Variants in CCDC197 observed in about 807,000 individuals in gnomAD.
CCDC197 encodes coiled-coil domain containing 197.
Under a neutral mutation model 13.4 loss-of-function variants are expected in CCDC197, and 24 were observed. The ratio of observed to expected loss-of-function variants is 1.80; its 90% CI spans 1.30 to 2.53. The LOEUF is 2.53. Among genes scored for constraint, CCDC197 ranks in the 30% most tolerant of loss-of-function variants. The probability of loss-of-function intolerance (pLI) is 0.00; values close to 1 mark genes in which losing one functional copy is unlikely to be tolerated. For synonymous variants in CCDC197, 99 were observed against 55.5 expected, an observed-to-expected ratio of 1.78 and a Z score of -3.48; for missense variants, 255 against 148.8, an observed-to-expected ratio of 1.71 and a Z score of -3.71.
upstream of CCDC197, among the ~76,000 whole-genome samples, chr14:93,992,561 A>G (rs1054558501): frequency 6.6e-6 from 1 of 152,200 alleles, no homozygotes; most frequent in Non-Finnish European, 1.5e-5. Context: ...TGGTCAGAGC[A>G]GCCCCTTCCC....
Position 93,998,198 on chromosome 14 carries a change from C to A in CCDC197, c.67C>A (p.Gln23Lys). ...TCCTGGTGACAAGGAAGGGGACCTT[C>A]AAGGGCTGTGGCAGGAACTCTACCA... Reference protein sequence around the residue: ...SNPGDKEGDLQGLWQELYQLQ... With the variant: ...SNPGDKEGDLKGLWQELYQLQ... Residue 23 changes from glutamine to lysine, a missense_variant, in exon 2 of 7, where the codon CAA (glutamine) becomes AAA (lysine). Transcript: ENST00000636493. 1.3e-6 allele frequency: 1 copy of A among 780,718 alleles called. No homozygotes were observed. The highest frequency in any genetic ancestry group is 2.4e-6 in the Non-Finnish European group (1 of 418,126). 48.4% of individuals were successfully genotyped at this position (780,718 alleles called of 1,614,324 possible).
At chr14:93,987,796 G>A (rs924103892) in intron 1 of CCDC197, among the ~76,000 whole-genome samples, 7 of 152,038 alleles carry the variant, frequency 4.6e-5, no homozygotes, top group African/African-American at 1.7e-4. Flanking sequence ...TGCCCAGAAA[G>A]TGGAACTATT....
At chr14:94,002,132 G>C (rs1019994743) in intron 4 of CCDC197, among the ~76,000 whole-genome samples, 1 of 152,166 alleles carries the variant, frequency 6.6e-6, no homozygotes, top group African/African-American at 2.4e-5. Flanking sequence ...CTAGGGAAAG[G>C]CAAGTCCAGC....
At position 94,004,900 on chromosome 14, in the gene CCDC197, C is replaced by T. The variant is rs1002411763; in HGVS notation, c.544C>T (p.Arg182Trp). The T allele has an allele frequency of 1.5e-4, 106 of 702,860 alleles. No homozygotes were observed. The highest frequency in any genetic ancestry group is 2.6e-4 in the Non-Finnish European group (100 of 384,988). 43.5% of individuals were successfully genotyped at this position (702,860 alleles called of 1,614,324 possible). ...GCAAATGACCATCACCAACATGGCCCGGCAGTGCTGCCCCTCTGCCCACGG... is the reference window on the plus strand; with the variant it reads ...GCAAATGACCATCACCAACATGGCCTGGCAGTGCTGCCCCTCTGCCCACGG... The part of the protein sequence containing the change: ...YMQMTITNMA[R>W]QCCPSAHGVP... Residue 182 changes from arginine to tryptophan, a missense_variant, in exon 6 of 7, where the codon CGG becomes TGG. Arg to Trp is a moderately radical substitution (Grantham distance 101). Coordinates refer to ENST00000636493, the MANE Select transcript of CCDC197 (RefSeq NM_001351596.2).
chr14:94,006,448 C>G (rs373938070), intron 6 of CCDC197, among the ~76,000 whole-genome samples: 1 of 151,846 alleles, frequency 6.6e-6, no homozygotes, highest in Admixed American at 6.6e-5. Context: ...CTCTGCCTCC[C>G]GGGTTCAAGC....
At chr14:94,008,983 G>T (rs1890763952), downstream of CCDC197, 2 of 554,688 alleles carry the variant, frequency 3.6e-6, no homozygotes, top group Non-Finnish European at 6.5e-6. Context: ...CATCCTGGGG[G>T]ATTGGCAGGG....
At chr14:93,988,834 G>A (rs1200103461) in intron 1 of CCDC197, among the ~76,000 whole-genome samples, 3 of 136,138 alleles carry the variant, frequency 2.2e-5, no homozygotes, top group South Asian at 2.6e-4. Context: ...ATGGGAGAGG[G>A]CATGGGAGGA....
intron 1 of CCDC197, 119 bp from the exon 2 acceptor site, chr14:93,997,880 A>G (rs1368671311): frequency 5.3e-5 from 27 of 512,272 alleles, no homozygotes; most frequent in Non-Finnish European, 3.1e-5. Flanking sequence ...AGAGCTGGGG[A>G]TGCAGCCCGA....
chr14:94,011,153 C>CG (rs1236529803), downstream of CCDC197, among the ~76,000 whole-genome samples: 5 of 152,160 alleles, frequency 3.3e-5, no homozygotes. Flanking sequence ...GGGGCTGGAC[C>CG]GGGCATTCCA....
chr14:93,987,858 CCAGAAGCAGTGT>C (rs1171888893), intron 1 of CCDC197, among the ~76,000 whole-genome samples: 1 of 150,904 alleles, frequency 6.6e-6, no homozygotes, highest in Non-Finnish European at 1.5e-5. Flanking sequence ...CTGCTAAGTG[CCAGAAGCAGTGT>C]CAGCTCCTGG....
At chr14:94,007,479 G>A (rs1252648195) in intron 6 of CCDC197, 5 of 152,052 alleles carry the variant, frequency 3.3e-5, no homozygotes, top group African/African-American at 4.8e-5. Context: ...TCCATTCATC[G>A]CTACGCCTGT....
intron 3 of CCDC197, 71 bp downstream of exon 3, chr14:93,999,736 G>T (rs776768924): frequency 1.3e-6 from 1 of 763,888 alleles, no homozygotes; most frequent in South Asian, 1.4e-5. Context: ...CTGCGACACC[G>T]TGTGTGGCCT....
In CCDC197 at chr14:94,002,047, C is replaced by A. The variant is rs114415451; in HGVS notation, c.366+724C>A. 1.2e-3 allele frequency among the ~76,000 whole-genome samples: 180 copies of A among 152,308 alleles called. 1 individual carries two copies. The highest frequency in any genetic ancestry group is 4.3e-3 in the African/African-American group (177 of 41,550). On this transcript the variant is annotated intron_variant, in intron 4 of 6. Transcript: ENST00000636493. Reference sequence around the variant, plus strand: ...TGGATGGGCTGGGCACTGCGTGAAGCACTTTACATGCTTTATCTCACTTAA... The same window carrying A: ...TGGATGGGCTGGGCACTGCGTGAAGAACTTTACATGCTTTATCTCACTTAA...
At chr14:93,993,603 G>A (rs1244782598), upstream of CCDC197, among the ~76,000 whole-genome samples, 1 of 152,238 alleles carries the variant, frequency 6.6e-6, no homozygotes. Flanking sequence ...GCCCTGTTTA[G>A]GGGCATTTGG....
At chr14:93,995,825 C>T (rs568315078), upstream of CCDC197, among the ~76,000 whole-genome samples, 59 of 152,306 alleles carry the variant, frequency 3.9e-4, 1 homozygote, top group South Asian at 2.3e-3. Context: ...GCCTCCCATG[C>T]ATCTCTCCTT....
intron 1 of CCDC197, among the ~76,000 whole-genome samples, chr14:93,990,841 T>C (rs1221602045): frequency 6.6e-6 from 1 of 152,206 alleles, no homozygotes; most frequent in African/African-American, 2.4e-5. Context: ...TTTTGAGCAC[T>C]TTCTTTGGGC....
At chr14:94,007,658 T>C (rs1890722725) in intron 6 of CCDC197, 1 of 152,190 alleles carries the variant, frequency 6.6e-6, no homozygotes. Context: ...GTTTCAGGCA[T>C]GGTGTGATCC....
At chr14:93,993,564 C>T (rs1274053605), upstream of CCDC197, among the ~76,000 whole-genome samples, 5 of 152,194 alleles carry the variant, frequency 3.3e-5, no homozygotes, top group African/African-American at 1.2e-4. Flanking sequence ...GCATCCTGAG[C>T]GTCAATGGCT....
chr14:93,992,433 G>C (rs1890229891), upstream of CCDC197, among the ~76,000 whole-genome samples: 1 of 152,118 alleles, frequency 6.6e-6, no homozygotes, highest in Admixed American at 6.5e-5. Context: ...AGGCCTGCAG[G>C]GTCCCTAAAT....
Sources: gnomAD v4.1 joint callset for allele counts (sites outside exome capture counted in the v4.1 genomes callset) on GRCh38, gnomAD v4.1.1 for gene constraint, MANE v1.5 for transcripts, NCBI Gene and HGNC (gene_info 2026-07-23, HGNC 2026-07-21) for gene names.